Variants in DOCK3 observed in about 807,000 individuals in gnomAD.
DOCK3 encodes the protein dedicator of cytokinesis 3.
DOCK3 carries 60 observed loss-of-function variants against 265.6 expected under a neutral mutation model. The observed-to-expected ratio is 0.23, with a 90% CI of 0.18 to 0.28. The LOEUF (loss-of-function observed/expected upper bound fraction) is 0.28, where lower values mean the gene tolerates loss of function less well. Among genes scored for constraint, DOCK3 ranks in the 10% least tolerant of loss-of-function variants. The probability of loss-of-function intolerance (pLI) is 1.00; values close to 1 mark genes in which losing one functional copy is unlikely to be tolerated. For missense variants in DOCK3, 1,981 were observed against 2,594.3 expected (o/e 0.76, Z 5.14); for synonymous variants, 881 against 938.0 (o/e 0.94, Z 1.11).
In DOCK3 at chr3:51,312,846, A is replaced by G; in HGVS notation, c.3197A>G (p.Tyr1066Cys). The change falls in exon 31 of 53, where the codon TAT becomes TGT. Residue 1066 changes from tyrosine to cysteine, a missense_variant and splice_region_variant. Tyr to Cys is a radical substitution (Grantham distance 194). Coordinates refer to ENST00000266037, the MANE Select transcript of DOCK3 (RefSeq NM_004947.5). ...SAKRKKILDKYGDMRVMMAYE... is the reference protein window; with the variant it reads ...SAKRKKILDKCGDMRVMMAYE... ...GGCTCCTGTGTTACTATTCTTAGGTATGGGGACATGCGTGTAATGATGGCC... is the reference window on the plus strand; with the variant it reads ...GGCTCCTGTGTTACTATTCTTAGGTGTGGGGACATGCGTGTAATGATGGCC... 6.2e-7 allele frequency: 1 copy of G among 1,610,054 alleles called. No homozygotes were observed. Among genetic ancestry groups the G allele is most frequent in the Non-Finnish European group, 8.5e-7 (1 of 1,178,070 alleles).
chr3:51,300,000 G>A (rs1305861912), intron 27 of DOCK3, among the ~76,000 whole-genome samples: 2 of 152,018 alleles, frequency 1.3e-5, no homozygotes, highest in Non-Finnish European at 2.9e-5. Flanking sequence ...AAATTACTTT[G>A]GGCAGTATGG....
At chr3:51,247,386 T>A (rs966649368) in intron 22 of DOCK3, among the ~76,000 whole-genome samples, 1 of 152,236 alleles carries the variant, frequency 6.6e-6, no homozygotes, top group Non-Finnish European at 1.5e-5. Context: ...GTAGCTCCAA[T>A]TGACAGGGGA....
chr3:51,228,868 C>T (rs2090436245), intron 18 of DOCK3, 36 bp downstream of exon 18: 4 of 1,605,052 alleles, frequency 2.5e-6, no homozygotes, highest in Admixed American at 1.7e-5. Context: ...TGCCCTCCAC[C>T]CTCCTCCATT....
At chr3:50,835,647 C>G (rs758456729) in intron 2 of DOCK3, among the ~76,000 whole-genome samples, 1 of 152,158 alleles carries the variant, frequency 6.6e-6, no homozygotes, top group African/African-American at 2.4e-5. Context: ...TTTTAGGTTT[C>G]TCTTTAAAGT....
intron 1 of DOCK3, among the ~76,000 whole-genome samples, chr3:50,735,232 A>G (rs2038512588): frequency 6.6e-6 from 1 of 152,134 alleles, no homozygotes; most frequent in Admixed American, 6.5e-5. Context: ...GTTGCTTTCA[A>G]CGTTCTTTGA....
intron 9 of DOCK3, among the ~76,000 whole-genome samples, chr3:51,091,994 A>G (rs1048402473): frequency 6.6e-6 from 1 of 152,296 alleles, no homozygotes; most frequent in South Asian, 2.1e-4. Context: ...CGCTTGTCCC[A>G]TGGTCTTTGC....
chr3:50,908,030 A>G (rs924725742), intron 4 of DOCK3, among the ~76,000 whole-genome samples: 2 of 151,928 alleles, frequency 1.3e-5, no homozygotes, highest in African/African-American at 2.4e-5. Context: ...AGTATTCTCT[A>G]TTGGTGGTTA....
At chr3:50,700,326 A>T (rs1419755326) in intron 1 of DOCK3, among the ~76,000 whole-genome samples, 1 of 152,244 alleles carries the variant, frequency 6.6e-6, no homozygotes, top group African/African-American at 2.4e-5. Flanking sequence ...TGAAATATAC[A>T]ATAAGTTGTA....
intron 5 of DOCK3, among the ~76,000 whole-genome samples, chr3:50,966,520 A>G (rs1249973981): frequency 7.0e-6 from 1 of 143,848 alleles, no homozygotes; most frequent in African/African-American, 2.6e-5. Context: ...TTTTTTTTGA[A>G]AATAGCCATT....
chr3:51,073,751 C>G (rs1399732999), intron 6 of DOCK3, among the ~76,000 whole-genome samples: 1 of 152,000 alleles, frequency 6.6e-6, no homozygotes, highest in Non-Finnish European at 1.5e-5. Flanking sequence ...AAGTTTTTAA[C>G]CTTTAATAGG....
At chr3:50,715,711 CA>C (rs1019871459) in intron 1 of DOCK3, among the ~76,000 whole-genome samples, 14 of 152,204 alleles carry the variant, frequency 9.2e-5, no homozygotes, top group Admixed American at 8.5e-4. Flanking sequence ...CCCATAGTTC[CA>C]ACCAGGTAGA....
chr3:50,850,164 T>C (rs535370306), intron 3 of DOCK3, among the ~76,000 whole-genome samples: 14 of 151,860 alleles, frequency 9.2e-5, no homozygotes, highest in Middle Eastern at 3.4e-3. Flanking sequence ...GTGGATCACC[T>C]GAGCTCAGGA....
At chr3:50,777,086 A>T (rs1287801994) in intron 1 of DOCK3, among the ~76,000 whole-genome samples, 6 of 152,134 alleles carry the variant, frequency 3.9e-5, no homozygotes, top group South Asian at 2.1e-4. Context: ...TGTGGGGAAC[A>T]CTGCCCCCAT....
intron 9 of DOCK3, among the ~76,000 whole-genome samples, chr3:51,143,662 G>A (rs913997406): frequency 6.6e-6 from 1 of 152,130 alleles, no homozygotes; most frequent in Non-Finnish European, 1.5e-5. Context: ...TGAAGGGTCT[G>A]TTCAAATCTT....
At chr3:50,998,508 AAAG>A (rs1344303066) in intron 5 of DOCK3, among the ~76,000 whole-genome samples, 3 of 152,224 alleles carry the variant, frequency 2.0e-5, no homozygotes, top group Admixed American at 6.5e-5. Flanking sequence ...GAGACAATAA[AAAG>A]AAGGTTAGTC....
intron 6 of DOCK3, among the ~76,000 whole-genome samples, chr3:51,066,465 T>C (rs1418866151): frequency 6.6e-6 from 1 of 152,204 alleles, no homozygotes; most frequent in Admixed American, 6.5e-5. Flanking sequence ...AGTGTTATCA[T>C]TAGCACTGGA....
intron 2 of DOCK3, among the ~76,000 whole-genome samples, chr3:50,786,144 C>T (rs1226949920): frequency 6.6e-6 from 1 of 151,920 alleles, no homozygotes; most frequent in Non-Finnish European, 1.5e-5. Flanking sequence ...TTTGGTATTG[C>T]TTGTAATATC....
intron 5 of DOCK3, among the ~76,000 whole-genome samples, chr3:51,013,919 C>T (rs1233866958): frequency 6.6e-6 from 1 of 152,156 alleles, no homozygotes; most frequent in Non-Finnish European, 1.5e-5. Flanking sequence ...CCTAGCAGTT[C>T]GATCTGGGAT....
At chr3:51,147,893 C>A (rs2085380699) in intron 10 of DOCK3, among the ~76,000 whole-genome samples, 1 of 152,278 alleles carries the variant, frequency 6.6e-6, no homozygotes, top group Non-Finnish European at 1.5e-5. Context: ...ATTTCTAGTT[C>A]TAGATCCTTG....
Sources: allele counts gnomAD v4.1 joint callset (sites outside exome capture counted in the v4.1 genomes callset), GRCh38; gene constraint gnomAD v4.1.1; transcripts MANE v1.5; gene names NCBI Gene and HGNC (gene_info 2026-07-23, HGNC 2026-07-21).